UBN2: variants seen among roughly 807,000 people sequenced by gnomAD.
UBN2 encodes the protein ubinuclein 2, also known as ubinuclein-2.
In UBN2, 35 loss-of-function variants were observed where a neutral mutation model predicts 120.2. That is an observed-to-expected ratio of 0.29 (90% CI 0.22 to 0.39). UBN2 has a LOEUF of 0.39. UBN2 is among the 10% of genes least tolerant of loss of function. UBN2 has a pLI of 1.00. For synonymous variants in UBN2, 661 were observed against 648.7 expected, an observed-to-expected ratio of 1.02 and a Z score of -0.29; for missense variants, 1,693 against 1,663.2, an observed-to-expected ratio of 1.02 and a Z score of -0.31.
chr7:139,261,685 A>G lies in UBN2; in HGVS notation c.1339A>G (p.Thr447Ala), dbSNP rs773224784. ...TSQVMPKVVP[T>A]LPEGLPVLLE... ...TCAGGTTATGCCCAAAGTGGTACCT[A>G]CACTCCCAGAGGGTCTACCTGTACT... is the stretch of plus-strand genomic sequence containing the variant. Residue 447 changes from threonine (T) to alanine (A), a missense_variant, in exon 6 of 18, where the codon ACA (threonine) becomes GCA (alanine). This residue lies in a region of UBN2 where 663 missense variants were observed against 591.2 expected (regional missense o/e 1.12). Transcript: ENST00000473989. 1.2e-6 allele frequency: 2 copies of G among 1,614,070 alleles called. No homozygotes were observed. Among genetic ancestry groups the G allele is most frequent in the Admixed American group, 1.7e-5 (1 of 59,994 alleles).
intron 1 of UBN2, among the ~76,000 whole-genome samples, chr7:139,236,613 G>C (rs1796168822): frequency 6.6e-6 from 1 of 152,020 alleles, no homozygotes; most frequent in Non-Finnish European, 1.5e-5. Context: ...TTTTGGATGA[G>C]GTGACCATGT....
the UBN2 span, among the ~76,000 whole-genome samples, chr7:139,326,288 C>CAAAA: frequency 5.3e-5 from 8 of 149,742 alleles, no homozygotes; most frequent in African/African-American, 7.6e-5. Context: ...AACAAACAAA[C>CAAAA]AAAAAATGGG....
chr7:139,241,439 A>C (rs1292238615), intron 2 of UBN2, among the ~76,000 whole-genome samples: 3 of 152,176 alleles, frequency 2.0e-5, no homozygotes, highest in Admixed American at 2.0e-4. Flanking sequence ...TTATAACTTT[A>C]AAATCTGCTT....
chr7:139,282,930 G>A, intron 14 of UBN2, 94 bp from the exon 15 acceptor site: 1 of 1,120,662 alleles, frequency 8.9e-7, no homozygotes, highest in Non-Finnish European at 1.2e-6. Flanking sequence ...AAAAACAATT[G>A]TAATTGTCAT....
rs1796830495 is a variant in UBN2 at position 139,258,480 on chromosome 7, T to C, written c.664-8T>C. 6.5e-7 allele frequency: 1 copy of C among 1,545,006 alleles called. No individual in the cohort carries two copies. The highest frequency in any genetic ancestry group is 8.7e-7 in the Non-Finnish European group (1 of 1,143,224). ...ATATAGCGGAAACTTTTTTGTTTTT[T>C]AATCTAGTATGATGAATTAGTTCCC... is the stretch of plus-strand genomic sequence containing the variant. On this transcript the variant is annotated splice_region_variant and splice_polypyrimidine_tract_variant and intron_variant, in intron 3 of 17. Coordinates refer to ENST00000473989, the MANE Select transcript of UBN2 (RefSeq NM_173569.4).
chr7:139,275,741 A>G (rs1393513631), intron 11 of UBN2, among the ~76,000 whole-genome samples: 2 of 152,148 alleles, frequency 1.3e-5, no homozygotes, highest in African/African-American at 4.8e-5. Context: ...CAAGGGCCAC[A>G]GTGAGAGGAT....
chr7:139,263,549 G>A lies in UBN2; in HGVS notation c.1395+1808G>A, dbSNP rs189856091. Among the ~76,000 whole-genome samples, 30 of 152,162 alleles carry A rather than the reference G, an allele frequency of 2.0e-4. No individual in the cohort carries two copies. The South Asian group carries it at 3.3e-3, about 17-fold the overall frequency. ...AGCACTTTGGGAGGCCGAGGTGGGC[G>A]GATCACCTGAGGTCGGGAGTTTGAG... is the stretch of plus-strand genomic sequence containing the variant. On this transcript the variant is annotated intron_variant, in intron 6 of 17. Transcript: ENST00000473989.
the UBN2 span, among the ~76,000 whole-genome samples, chr7:139,319,145 G>A: frequency 1.3e-5 from 2 of 152,102 alleles, no homozygotes; most frequent in Non-Finnish European, 1.5e-5. Context: ...GCAGAGGTGC[G>A]ATCTTGGCTC....
At chr7:139,320,059 G>T in the UBN2 span, among the ~76,000 whole-genome samples, 1 of 151,230 alleles carries the variant, frequency 6.6e-6, no homozygotes, top group East Asian at 1.9e-4. Flanking sequence ...CTGGGTGACA[G>T]AGCGAGACTC....
intron 2 of UBN2, among the ~76,000 whole-genome samples, chr7:139,244,390 A>G (rs1796405974): frequency 6.6e-6 from 1 of 152,106 alleles, no homozygotes; most frequent in Non-Finnish European, 1.5e-5. Flanking sequence ...TTAAGAGCCT[A>G]GTGTGGTGGC....
In UBN2 at chr7:139,298,282, C is replaced by T. The variant is rs1798165547; in HGVS notation, c.*446C>T. The T allele has an allele frequency of 5.9e-6, 1 of 168,170 alleles. No homozygotes were observed. The highest frequency in any genetic ancestry group is 1.6e-4 in the South Asian group (1 of 6,084). 10.4% of individuals were successfully genotyped at this position (168,170 alleles called of 1,614,324 possible). ...AGGCCAGTTTGTCAGGAATAATGAT[C>T]ATGTCTATTTGAATGGACTGTGTAG... On this transcript the variant is annotated 3_prime_UTR_variant, in exon 18 of 18. Coordinates refer to ENST00000473989, the MANE Select transcript of UBN2 (RefSeq NM_173569.4).
At chr7:139,312,040 T>C (rs1472857952), downstream of UBN2, among the ~76,000 whole-genome samples, 2 of 152,238 alleles carry the variant, frequency 1.3e-5, no homozygotes, top group African/African-American at 4.8e-5. Flanking sequence ...CTGTGGATAA[T>C]TTCTTACTTT....
At chr7:139,263,261 G>A (rs908379363) in intron 6 of UBN2, among the ~76,000 whole-genome samples, 7 of 152,168 alleles carry the variant, frequency 4.6e-5, no homozygotes, top group Non-Finnish European at 5.9e-5. Context: ...AGAAGGGTGT[G>A]TATGCTAAAT....
chr7:139,256,212 C>T (rs1343689883), intron 3 of UBN2, among the ~76,000 whole-genome samples: 1 of 152,160 alleles, frequency 6.6e-6, no homozygotes, highest in Non-Finnish European at 1.5e-5. Flanking sequence ...ATCAGAATTG[C>T]CCTGTATACC....
At chr7:139,313,177 A>G (rs1798469918), downstream of UBN2, among the ~76,000 whole-genome samples, 1 of 152,164 alleles carries the variant, frequency 6.6e-6, no homozygotes, top group African/African-American at 2.4e-5. Context: ...ATCCAGTTGA[A>G]ATATTGATTA....
rs1030449702 is a variant in UBN2, at chr7:139,283,304, G to A, written c.2399G>A (p.Gly800Glu). 2.5e-6 allele frequency: 4 copies of A among 1,613,740 alleles called. No homozygotes were observed. The African/African-American group carries it at 4.0e-5, about 16-fold the overall frequency. ...ISMPTTKPRPGLREEKLASIM... is the reference protein window; with the variant it reads ...ISMPTTKPRPELREEKLASIM... ...ATGCCAACCACAAAGCCTCGTCCAG[G>A]ACTGAGAGAAGAAAAATTAGCAAGT... is the stretch of plus-strand genomic sequence containing the variant. Residue 800 changes from glycine to glutamate, a missense_variant, in exon 15 of 18, where the codon GGA becomes GAA. Gly to Glu is a moderately conservative substitution (Grantham distance 98). Around this residue, in one of 5 missense-constraint regions of UBN2, gnomAD observed 837 missense variants for 817.6 expected, o/e 1.02. Coordinates refer to ENST00000473989, the MANE Select transcript of UBN2 (RefSeq NM_173569.4).
chr7:139,320,550 A>G, the UBN2 span, among the ~76,000 whole-genome samples: 3 of 151,890 alleles, frequency 2.0e-5, no homozygotes, highest in East Asian at 5.9e-4. Context: ...AACGTCAAAA[A>G]CAAAAATTCT....
In UBN2 at chr7:139,231,600, A is replaced by C. The variant is rs1367916336; in HGVS notation, c.116A>C (p.Glu39Ala). 7.2e-7 allele frequency: 1 copy of C among 1,379,512 alleles called. No individual in the cohort carries two copies. The highest frequency in any genetic ancestry group is 1.6e-5 in the South Asian group (1 of 62,104). The allele number at this position is 1,379,512 out of a possible 1,614,324, so 85.5% of individuals were successfully genotyped here. A position where few individuals can be genotyped will look rare whatever the true frequency, so the allele number is the denominator to read the frequency against. Reference sequence around the variant, plus strand: ...TACCCCCGCGAGCCCCCCCGGCTGGAGCCGCAGCCGTACCGCGAGCCGGCC... The same window carrying C: ...TACCCCCGCGAGCCCCCCCGGCTGGCGCCGCAGCCGTACCGCGAGCCGGCC... Reference protein sequence around the residue: ...PEYPREPPRLEPQPYREPARA... With the variant: ...PEYPREPPRLAPQPYREPARA... Residue 39 changes from glutamate (E) to alanine (A), a missense_variant, in exon 1 of 18, where the codon GAG (glutamate) becomes GCG (alanine). Physicochemically the swap from Glu to Ala is moderately radical, Grantham distance 107. Coordinates refer to ENST00000473989, the MANE Select transcript of UBN2 (RefSeq NM_173569.4).
intron 11 of UBN2, 54 bp from the exon 12 acceptor site, chr7:139,276,041 TTA>T: frequency 7.3e-7 from 1 of 1,377,430 alleles, no homozygotes; most frequent in Non-Finnish European, 1.0e-6. Flanking sequence ...AATAAAACAA[TTA>T]TGTTACTATC....
Sources: allele counts gnomAD v4.1 joint callset (sites outside exome capture counted in the v4.1 genomes callset), GRCh38; gene constraint gnomAD v4.1.1; regional missense constraint gnomAD v4.1.1; transcripts MANE v1.5; gene names NCBI Gene and HGNC (gene_info 2026-07-23, HGNC 2026-07-21).